The following OSBPL3 variants were observed in gnomAD, a reference collection of about 807,000 sequenced individuals.
OSBPL3 encodes the protein oxysterol binding protein like 3.
OSBPL3 carries 65 observed loss-of-function variants against 120.1 expected under a neutral mutation model. The observed-to-expected ratio is 0.54, with a 90% confidence interval of 0.44 to 0.67. The LOEUF (loss-of-function observed/expected upper bound fraction) is 0.67, where lower values mean the gene tolerates loss of function less well. Among genes scored for constraint, OSBPL3 ranks in the 30% least tolerant of loss-of-function variants. OSBPL3 has a pLI of 0.00. For missense variants in OSBPL3, 1,004 were observed against 1,082.1 expected (o/e 0.93, Z 1.01); for synonymous variants, 416 against 402.6 (o/e 1.03, Z -0.40).
chr7:24,866,443 C>T (rs1276082111), intron 5 of OSBPL3, among the ~76,000 whole-genome samples: 2 of 152,014 alleles, frequency 1.3e-5, no homozygotes, highest in Non-Finnish European at 2.9e-5. Context: ...TTCGAGACCA[C>T]CCTGGGCAAC....
At position 24,979,912 on chromosome 7, in the gene OSBPL3, C is replaced by T. The variant is rs1395329465; in HGVS notation, c.-176G>A. On this transcript the variant is annotated 5_prime_UTR_variant, in exon 1 of 23. Coordinates refer to ENST00000313367, the MANE Select transcript of OSBPL3 (RefSeq NM_015550.4). The stretch of plus-strand genomic sequence containing the variant: ...TGAGCGCTGTGCAGCCGGAGACGCT[C>T]CCTAGTTCCCCGGGGCCGGGCTCCG... 7.2e-6 allele frequency: 7 copies of T among 969,926 alleles called. No homozygotes were observed. The East Asian group carries it at 3.7e-4, about 51-fold the overall frequency. 60.1% of individuals were successfully genotyped at this position (969,926 alleles called of 1,614,324 possible).
rs1338623247 is a variant in OSBPL3, at chr7:24,835,782, A to G, written c.1496-1046T>C. On this transcript the variant is annotated intron_variant, in intron 14 of 22. Transcript: ENST00000313367. The surrounding 1 kb of genome is among the most constrained non-coding windows in gnomAD (Gnocchi z 4.8). Reference sequence around the variant, plus strand: ...TTTGCAGCAACATAGATGGAGCTGGAGGCCGTTAACTAAGCAAACTAACAC... The same window carrying G: ...TTTGCAGCAACATAGATGGAGCTGGGGGCCGTTAACTAAGCAAACTAACAC... Among the ~76,000 whole-genome samples, 1 of 152,194 alleles carries G rather than the reference A, an allele frequency of 6.6e-6. No homozygotes were observed. Among genetic ancestry groups the G allele is most frequent in the Non-Finnish European group, 1.5e-5 (1 of 68,042 alleles).
rs1262186446 is a variant in OSBPL3, at chr7:24,851,817, T to C, written c.1158+687A>G. On this transcript the variant is annotated intron_variant, in intron 11 of 22. Coordinates refer to ENST00000313367, the MANE Select transcript of OSBPL3 (RefSeq NM_015550.4). This position sits in a 1 kb window ranked among gnomAD's most constrained non-coding sequence, Gnocchi z 4.1. The stretch of plus-strand genomic sequence containing the variant: ...GAGCCTAACTATTCTGAGGAATTAA[T>C]TGAAACTGATGAAAAAAGGAGAGAG... Among the ~76,000 whole-genome samples, 2 of 152,010 alleles carry C rather than the reference T, an allele frequency of 1.3e-5. No individual in the cohort carries two copies. The highest frequency in any genetic ancestry group is 1.3e-4 in the Admixed American group (2 of 15,280).
At position 24,937,933 on chromosome 7, in the gene OSBPL3, TGTGGACA is replaced by T. The variant is rs1362245738; in HGVS notation, c.-150+41946_-150+41952del. On this transcript the variant is annotated intron_variant, in intron 1 of 22. Transcript: ENST00000313367. This position sits in a 1 kb window ranked among gnomAD's most constrained non-coding sequence, Gnocchi z 4.0. ...CCAAAGTATAATCCATGAATTAGGA[TGTGGACA>T]GTGAAGGACAGAGAAGAAAACTATG... Among the ~76,000 whole-genome samples the T allele has an allele frequency of 6.6e-6, 1 of 152,222 alleles. No individual in the cohort carries two copies. Among genetic ancestry groups the T allele is most frequent in the Non-Finnish European group, 1.5e-5 (1 of 68,040 alleles).
rs896652609 is a variant in OSBPL3 at position 24,883,803 on chromosome 7, AT to A, written c.96+8573del. Reference sequence around the variant, plus strand: ...GAACAAAGAAGTCCTGACAACTCAAATATGTCATTTGAGCTGATACTTTAAC... The same window carrying A: ...GAACAAAGAAGTCCTGACAACTCAAAATGTCATTTGAGCTGATACTTTAAC... On this transcript the variant is annotated intron_variant, in intron 2 of 22. Coordinates refer to ENST00000313367, the MANE Select transcript of OSBPL3 (RefSeq NM_015550.4). This position sits in a 1 kb window ranked among gnomAD's most constrained non-coding sequence, Gnocchi z 5.4. Among the ~76,000 whole-genome samples, 1 of 152,162 alleles carries A rather than the reference AT, an allele frequency of 6.6e-6. No homozygotes were observed. The highest frequency in any genetic ancestry group is 2.4e-5 in the African/African-American group (1 of 41,446).
rs768698617 is a variant in OSBPL3 at position 24,870,848 on chromosome 7, G to A, written c.268-3C>T. 4 of 1,597,794 alleles carry A rather than the reference G, an allele frequency of 2.5e-6. No individual in the cohort carries two copies. In the East Asian group the frequency reaches 8.9e-5, roughly 36 times the overall value. On this transcript the variant is annotated splice_region_variant and splice_polypyrimidine_tract_variant and intron_variant, in intron 4 of 22. Coordinates refer to ENST00000313367, the MANE Select transcript of OSBPL3 (RefSeq NM_015550.4). ...CCATGCAGCTTCTCTCTCTCTATCT[G>A]CAGAGGCACCAAGAGGGTCACTTGG...
chr7:24,930,037 A>G lies in OSBPL3; in HGVS notation c.-149-37416T>C, dbSNP rs1310844070. Among the ~76,000 whole-genome samples the G allele has an allele frequency of 6.6e-6, 1 of 152,230 alleles. No homozygotes were observed. Among genetic ancestry groups the G allele is most frequent in the Non-Finnish European group, 1.5e-5 (1 of 68,036 alleles). ...GTAAGGGTAAAGTAAAGGTGAAGGC[A>G]TCGTTAATGATAAAGGAAGGAAAAT... On this transcript the variant is annotated intron_variant, in intron 1 of 22. Transcript: ENST00000313367. The surrounding 1 kb of genome is among the most constrained non-coding windows in gnomAD (Gnocchi z 4.4).
Position 24,852,418 on chromosome 7 carries a change from C to T in OSBPL3, c.1158+86G>A. On this transcript the variant is annotated intron_variant, in intron 11 of 22. Coordinates refer to ENST00000313367, the MANE Select transcript of OSBPL3 (RefSeq NM_015550.4). The surrounding 1 kb of genome is among the most constrained non-coding windows in gnomAD (Gnocchi z 4.1). The stretch of plus-strand genomic sequence containing the variant: ...ATAATTTGGTTTTCTCCTGAATTTT[C>T]AACATAATCATGGAAATAGAAATTA... 3.3e-6 allele frequency: 4 copies of T among 1,226,580 alleles called. No homozygotes were observed. The highest frequency in any genetic ancestry group is 2.9e-5 in the Admixed American group (1 of 34,250). 76.0% of individuals were successfully genotyped at this position (1,226,580 alleles called of 1,614,324 possible). A position where few individuals can be genotyped will look rare whatever the true frequency, so the allele number is the denominator to read the frequency against.
intron 14 of OSBPL3, among the ~76,000 whole-genome samples, chr7:24,838,954 C>T (rs927341977): frequency 8.5e-5 from 13 of 152,308 alleles, no homozygotes; most frequent in African/African-American, 2.6e-4. Context: ...AAACAAAATA[C>T]CAACCACGAT....
intron 13 of OSBPL3, 65 bp downstream of exon 13, chr7:24,842,214 A>G (rs1797864543): frequency 4.6e-6 from 7 of 1,511,460 alleles, no homozygotes; most frequent in Non-Finnish European, 6.4e-6. Flanking sequence ...TATTTACTGA[A>G]CAGATTAATC....
At chr7:24,919,735 A>G (rs1810155734) in intron 1 of OSBPL3, among the ~76,000 whole-genome samples, 1 of 151,588 alleles carries the variant, frequency 6.6e-6, no homozygotes, top group South Asian at 2.1e-4. Context: ...CAATCCACAG[A>G]ACGAGAGATA....
chr7:24,981,747 T>G (rs1818388566), upstream of OSBPL3: 1 of 152,220 alleles, frequency 6.6e-6, no homozygotes, highest in African/African-American at 2.4e-5. This position sits in a 1 kb window ranked among gnomAD's most constrained non-coding sequence, Gnocchi z 7.3. Flanking sequence ...AGAAGCTTAT[T>G]GGAGAAGATT....
At position 24,820,351 on chromosome 7, in the gene OSBPL3, G is replaced by GA. The variant is rs538145756; in HGVS notation, c.1885-114dup. The stretch of plus-strand genomic sequence containing the variant: ...AACAGCGTGCAATGCTGAACTGAAG[G>GA]AAAAACTTCTTTAGTTTCCCTCATC... On this transcript the variant is annotated intron_variant, in intron 16 of 22. Coordinates refer to ENST00000313367, the MANE Select transcript of OSBPL3 (RefSeq NM_015550.4). This position sits in a 1 kb window ranked among gnomAD's most constrained non-coding sequence, Gnocchi z 4.6. The GA allele has an allele frequency of 3.2e-4, 230 of 726,304 alleles. 3 individuals carry two copies. The South Asian group carries it at 3.7e-3, about 12-fold the overall frequency. 45.0% of individuals were successfully genotyped at this position (726,304 alleles called of 1,614,324 possible). A position where few individuals can be genotyped will look rare whatever the true frequency, so the allele number is the denominator to read the frequency against.
intron 2 of OSBPL3, among the ~76,000 whole-genome samples, chr7:24,884,743 T>C (rs1254290321): frequency 6.6e-6 from 1 of 152,112 alleles, no homozygotes; most frequent in Non-Finnish European, 1.5e-5. Flanking sequence ...GGTATTAACT[T>C]TGTCCAAGAT....
intron 5 of OSBPL3, among the ~76,000 whole-genome samples, chr7:24,870,262 C>CTGA: frequency 1.3e-5 from 2 of 152,036 alleles, no homozygotes; most frequent in Non-Finnish European, 2.9e-5. Context: ...ATTTGGGAAC[C>CTGA]CACACTTCAG....
chr7:24,956,322 C>T (rs1368839737), intron 1 of OSBPL3, among the ~76,000 whole-genome samples: 2 of 152,244 alleles, frequency 1.3e-5, no homozygotes, highest in African/African-American at 2.4e-5. Context: ...TTTCCACATG[C>T]GCAAAGGATG....
Position 24,834,082 on chromosome 7 carries a change from C to A in OSBPL3, c.1746+404G>T. On this transcript the variant is annotated intron_variant, in intron 15 of 22. Coordinates refer to ENST00000313367, the MANE Select transcript of OSBPL3 (RefSeq NM_015550.4). The surrounding 1 kb of genome is among the most constrained non-coding windows in gnomAD (Gnocchi z 5.2). The stretch of plus-strand genomic sequence containing the variant: ...TAAACACAAACATTCTCAGGGGAAA[C>A]TTACCCTGGATGAGAAAAACAGCTC... The A allele has an allele frequency of 1.1e-5, 11 of 991,386 alleles. No homozygotes were observed. The highest frequency in any genetic ancestry group is 1.3e-5 in the Non-Finnish European group (11 of 832,182). The allele number at this position is 991,386 out of a possible 1,614,324, so 61.4% of individuals were successfully genotyped here.
At position 24,871,024 on chromosome 7, in the gene OSBPL3, G is replaced by A. The variant is rs1011804256; in HGVS notation, c.268-179C>T. ...ACATGCACTGTCTTCCTGAATCTCC[G>A]AGGTAGGAAGTACTCTCCCCATTTT... On this transcript the variant is annotated intron_variant, in intron 4 of 22. Transcript: ENST00000313367. The surrounding 1 kb of genome is among the most constrained non-coding windows in gnomAD (Gnocchi z 4.8). 3.3e-5 allele frequency among the ~76,000 whole-genome samples: 5 copies of A among 152,170 alleles called. No individual in the cohort carries two copies. The highest frequency in any genetic ancestry group is 2.0e-4 in the Admixed American group (3 of 15,282).
rs772748055 is a variant in OSBPL3, at chr7:24,865,478, T to C, written c.550-13A>G. 2.5e-5 allele frequency: 40 copies of C among 1,612,336 alleles called. No individual in the cohort carries two copies. The African/African-American group carries it at 4.9e-4, about 20-fold the overall frequency. ...ATATACTGCTACGCTGTTCCACGGA[T>C]GACAAAAGCACATTGTAAATGGAAA... On this transcript the variant is annotated splice_polypyrimidine_tract_variant and intron_variant, in intron 6 of 22. Coordinates refer to ENST00000313367, the MANE Select transcript of OSBPL3 (RefSeq NM_015550.4).
Sources: gnomAD v4.1 joint callset for allele counts (sites outside exome capture counted in the v4.1 genomes callset) on GRCh38, gnomAD v4.1.1 for gene constraint, Gnocchi (gnomAD v3.1) non-coding constraint, MANE v1.5 for transcripts, NCBI Gene and HGNC (gene_info 2026-07-23, HGNC 2026-07-21) for gene names.